DENND2B: variants seen among roughly 807,000 people sequenced by gnomAD.
DENND2B encodes the protein DENN domain-containing protein 2B.
DENND2B carries 32 observed loss-of-function variants against 116.0 expected under a neutral mutation model. The ratio of observed to expected loss-of-function variants is 0.28; its 90% CI spans 0.21 to 0.37. The LOEUF (loss-of-function observed/expected upper bound fraction) is 0.37, where lower values mean the gene tolerates loss of function less well. Ranked by LOEUF, DENND2B falls within the 10% of genes least tolerant of loss-of-function variation. The probability of loss-of-function intolerance (pLI) is 1.00; values close to 1 mark genes in which losing one functional copy is unlikely to be tolerated. For missense variants in DENND2B, 1,276 were observed against 1,477.7 expected, an observed-to-expected ratio of 0.86 and a Z score of 2.24; for synonymous variants, 588 against 583.9, an observed-to-expected ratio of 1.01 and a Z score of -0.10.
chr11:8,825,561 G>A (rs2061946129), intron 4 of DENND2B, among the ~76,000 whole-genome samples: 1 of 151,694 alleles, frequency 6.6e-6, no homozygotes, highest in Non-Finnish European at 1.5e-5. Context: ...ATCTCATCAT[G>A]GTTACCCTTT....
upstream of DENND2B, among the ~76,000 whole-genome samples, chr11:8,814,967 T>G (rs2061518727): frequency 6.6e-6 from 1 of 152,220 alleles, no homozygotes; most frequent in African/African-American, 2.4e-5. Context: ...AAAATTCCTG[T>G]AAAGCCTCCC....
rs2045669827 is a variant in DENND2B at position 8,719,121 on chromosome 11, C to T, written c.1478-1229G>A. 3.0e-6 allele frequency: 3 copies of T among 985,444 alleles called. No individual in the cohort carries two copies. In the Admixed American group the frequency reaches 1.8e-4, roughly 61 times the overall value. The allele number at this position is 985,444 out of a possible 1,614,324, so 61.0% of individuals were successfully genotyped here. ...TTACGCCCCAGAGGAACTCAGACCC[C>T]ACTCCTCAGGAAGCAGGCAGAAGAA... On this transcript the variant is annotated intron_variant, in intron 4 of 19. Transcript: ENST00000313726.
At chr11:8,718,286 A>G (rs1401079750) in intron 4 of DENND2B, 1 of 1,319,316 alleles carries the variant, frequency 7.6e-7, no homozygotes, top group East Asian at 2.5e-5. Context: ...AACACAGTTC[A>G]AGGTAGGAAG....
intron 2 of DENND2B, among the ~76,000 whole-genome samples, chr11:8,859,201 A>G (rs1025064023): frequency 3.9e-5 from 6 of 152,104 alleles, no homozygotes; most frequent in Admixed American, 3.3e-4. Flanking sequence ...GGTAACAATT[A>G]TATGTTCTAA....
chr11:8,896,020 A>G (rs1023813278), intron 1 of DENND2B, among the ~76,000 whole-genome samples: 1 of 152,218 alleles, frequency 6.6e-6, no homozygotes, highest in African/African-American at 2.4e-5. Flanking sequence ...ACTGAGGGAT[A>G]TAAATACTTG....
intron 4 of DENND2B, among the ~76,000 whole-genome samples, chr11:8,830,359 G>T (rs1404376583): frequency 6.6e-6 from 1 of 152,200 alleles, no homozygotes; most frequent in African/African-American, 2.4e-5. Context: ...GTGGTTTTAA[G>T]ATACAACTTT....
chr11:8,865,997 T>C (rs1023350784), intron 2 of DENND2B, among the ~76,000 whole-genome samples: 1 of 152,110 alleles, frequency 6.6e-6, no homozygotes, highest in African/African-American at 2.4e-5. Context: ...TCTCGCTCTG[T>C]CGCCCAGGCT....
intron 19 of DENND2B, 75 bp downstream of exon 19, chr11:8,695,388 G>A: frequency 1.5e-6 from 2 of 1,348,902 alleles, no homozygotes; most frequent in South Asian, 2.3e-5. Flanking sequence ...TTGATTTAGA[G>A]TATTCGGGAA....
At chr11:8,722,536 A>G (rs2046365398) in intron 4 of DENND2B, among the ~76,000 whole-genome samples, 2 of 152,190 alleles carry the variant, frequency 1.3e-5, no homozygotes, top group African/African-American at 4.8e-5. Context: ...TTCTGAGTTC[A>G]GCAATAAGAC....
Position 8,712,459 on chromosome 11 carries a change from G to A in DENND2B, c.2172+92C>T, listed in dbSNP as rs982830952. The A allele has an allele frequency of 1.7e-5, 23 of 1,388,356 alleles. No homozygotes were observed. The highest frequency in any genetic ancestry group is 8.6e-5 in the South Asian group (6 of 69,728). 86.0% of individuals were successfully genotyped at this position (1,388,356 alleles called of 1,614,324 possible). On this transcript the variant is annotated intron_variant, in intron 9 of 19. Transcript: ENST00000313726. The surrounding 1 kb of genome is among the most constrained non-coding windows in gnomAD (Gnocchi z 4.4). ...TGGCAGCTCGGTGAGGACGTATGAC[G>A]AACAAGATCTCTCTCCTTCCCCAGA...
chr11:8,857,163 C>T (rs775273738), intron 3 of DENND2B, among the ~76,000 whole-genome samples: 5 of 152,078 alleles, frequency 3.3e-5, no homozygotes, highest in Non-Finnish European at 5.9e-5. Flanking sequence ...CATTTATAGC[C>T]GCATACAGAA....
intron 4 of DENND2B, among the ~76,000 whole-genome samples, chr11:8,723,013 C>T (rs562579923): frequency 6.6e-6 from 1 of 152,276 alleles, no homozygotes; most frequent in South Asian, 2.1e-4. Flanking sequence ...TTTTTTTTAA[C>T]TCCTCATGCA....
At chr11:8,890,232 C>T (rs2064014124) in intron 1 of DENND2B, among the ~76,000 whole-genome samples, 1 of 152,106 alleles carries the variant, frequency 6.6e-6, no homozygotes, top group African/African-American at 2.4e-5. Context: ...CACACCAAAA[C>T]CCCATATGTA....
intron 1 of DENND2B, among the ~76,000 whole-genome samples, chr11:8,891,316 G>A (rs564066126): frequency 4.6e-5 from 7 of 152,316 alleles, no homozygotes; most frequent in South Asian, 4.1e-4. Flanking sequence ...TCAATGCTAC[G>A]AGGAAACTGC....
chr11:8,729,801 TACC>T, intron 3 of DENND2B, 146 bp downstream of exon 3: 1 of 1,103,468 alleles, frequency 9.1e-7, no homozygotes, highest in Non-Finnish European at 1.3e-6. Context: ...CATTTTTCAC[TACC>T]ACAACTACCA....
intron 16 of DENND2B, 45 bp downstream of exon 16, chr11:8,698,888 C>G (rs777293221): frequency 6.2e-7 from 1 of 1,609,744 alleles, no homozygotes; most frequent in Non-Finnish European, 8.5e-7. Context: ...TGTGATGGTG[C>G]AGGGTGCTCA....
intron 1 of DENND2B, among the ~76,000 whole-genome samples, chr11:8,758,349 C>A (rs2053969308): frequency 6.6e-6 from 1 of 152,156 alleles, no homozygotes; most frequent in South Asian, 2.1e-4. Context: ...AACGCACACA[C>A]CACGGGATCC....
intron 4 of DENND2B, among the ~76,000 whole-genome samples, chr11:8,720,308 G>C (rs1267835822): frequency 6.6e-6 from 1 of 151,828 alleles, no homozygotes; most frequent in African/African-American, 2.4e-5. Context: ...CCTACAGTAA[G>C]AGCTTTGAAT....
chr11:8,794,948 T>A (rs4929911), intron 1 of DENND2B: 1 of 152,176 alleles, frequency 6.6e-6, no homozygotes, highest in African/African-American at 2.4e-5. Flanking sequence ...CTCCCAGGCA[T>A]GTCCTGTGTA....
Sources: allele counts gnomAD v4.1 joint callset (sites outside exome capture counted in the v4.1 genomes callset), GRCh38; gene constraint gnomAD v4.1.1; non-coding constraint Gnocchi (gnomAD v3.1); transcripts MANE v1.5; gene names NCBI Gene and HGNC (gene_info 2026-07-23, HGNC 2026-07-21).